The following PIK3R5 variants were observed in gnomAD, a reference collection of about 807,000 sequenced individuals.
PIK3R5 encodes phosphoinositide 3-kinase regulatory subunit 5.
A neutral mutation model predicts 94.9 loss-of-function variants in PIK3R5; 32 were observed. The observed-to-expected ratio is 0.34, with a 90% CI of 0.25 to 0.45. The LOEUF (loss-of-function observed/expected upper bound fraction) is 0.45, where lower values mean the gene tolerates loss of function less well. Among genes scored for constraint, PIK3R5 ranks in the 20% least tolerant of loss-of-function variants. The pLI, the probability that PIK3R5 is intolerant of heterozygous loss-of-function variation, is 1.00. For synonymous variants in PIK3R5, 443 were observed against 479.4 expected (o/e 0.92, Z 0.99); for missense variants, 853 against 1,144.6 (o/e 0.75, Z 3.68).
rs1351216628 is a variant in PIK3R5 at position 8,881,471 on chromosome 17, C to T, written c.2382+159G>A. On this transcript the variant is annotated intron_variant, in intron 17 of 18. Transcript: ENST00000447110. The surrounding 1 kb of genome is among the most constrained non-coding windows in gnomAD (Gnocchi z 4.8). ...CCTCACCCTGCCTCTCCTCCCCCAC[C>T]TCTCCTCTCTCTCTCACACACACAC... 6.6e-6 allele frequency among the ~76,000 whole-genome samples: 1 copy of T among 152,142 alleles called. No homozygotes were observed. The highest frequency in any genetic ancestry group is 1.5e-5 in the Non-Finnish European group (1 of 68,012).
Position 8,892,336 on chromosome 17 carries a change from C to A in PIK3R5, c.482+1250G>T, listed in dbSNP as rs1483401664. 1.3e-5 allele frequency among the ~76,000 whole-genome samples: 2 copies of A among 152,134 alleles called. No homozygotes were observed. The highest frequency in any genetic ancestry group is 4.8e-5 in the African/African-American group (2 of 41,432). The stretch of plus-strand genomic sequence containing the variant: ...CAGCCCCTTACAACCTTGTAACGAG[C>A]CCAGCCGAGCCCCTGCCCTCACCAG... On this transcript the variant is annotated intron_variant, in intron 6 of 18. Coordinates refer to ENST00000447110, the MANE Select transcript of PIK3R5 (RefSeq NM_001142633.3). The surrounding 1 kb of genome is among the most constrained non-coding windows in gnomAD (Gnocchi z 4.3).
intron 3 of PIK3R5, among the ~76,000 whole-genome samples, chr17:8,906,131 T>C (rs140548692): frequency 1.3e-5 from 2 of 152,120 alleles, no homozygotes; most frequent in African/African-American, 4.8e-5. Context: ...GCATTAGGTA[T>C]TTGTCCTAAT....
At position 8,904,431 on chromosome 17, in the gene PIK3R5, C is replaced by G. The variant is rs144463878; in HGVS notation, c.412+346G>C. ...CATGCAAAGCCCTCTTGTCAGCATC[C>G]TGGGGGCTTCTCTGTCTGATCTGGG... is the stretch of plus-strand genomic sequence containing the variant. On this transcript the variant is annotated intron_variant, in intron 5 of 18. Transcript: ENST00000447110. The surrounding 1 kb of genome is among the most constrained non-coding windows in gnomAD (Gnocchi z 5.1). Among the ~76,000 whole-genome samples, 14 of 152,294 alleles carry G rather than the reference C, an allele frequency of 9.2e-5. No homozygotes were observed. Among genetic ancestry groups the G allele is most frequent in the African/African-American group, 2.9e-4 (12 of 41,562 alleles).
In PIK3R5 at chr17:8,943,643, C is replaced by T. The variant is rs180753226; in HGVS notation, c.-14+21953G>A. On this transcript the variant is annotated intron_variant, in intron 1 of 18. Transcript: ENST00000447110. Reference sequence around the variant, plus strand: ...CAAAAATTAGCTGGGTGTGGTGGCGCGCACCTGCAGTCCCAGCTGTTCAGG... The same window carrying T: ...CAAAAATTAGCTGGGTGTGGTGGCGTGCACCTGCAGTCCCAGCTGTTCAGG... 2.3e-3 allele frequency among the ~76,000 whole-genome samples: 356 copies of T among 152,164 alleles called. 5 individuals carry two copies. The highest frequency in any genetic ancestry group is 7.9e-3 in the African/African-American group (329 of 41,506).
chr17:8,911,739 G>T lies in PIK3R5; in HGVS notation c.-13-232C>A. 1 of 447,106 alleles carries T rather than the reference G, an allele frequency of 2.2e-6. No individual in the cohort carries two copies. The highest frequency in any genetic ancestry group is 3.9e-5 in the East Asian group (1 of 25,772). The allele number at this position is 447,106 out of a possible 1,614,324, so 27.7% of individuals were successfully genotyped here. On this transcript the variant is annotated intron_variant, in intron 1 of 18. Coordinates refer to ENST00000447110, the MANE Select transcript of PIK3R5 (RefSeq NM_001142633.3). The surrounding 1 kb of genome is among the most constrained non-coding windows in gnomAD (Gnocchi z 5.3). ...AGCACCCCTGCAGCAGAACGGGACA[G>T]AGGTGTGGGAAGTAAGGGGTCAGGA...
Position 8,904,465 on chromosome 17 carries a change from G to A in PIK3R5, c.412+312C>T, listed in dbSNP as rs1206788244. ...TCTCTGTCTGATCTGGGTAGCCTTGGAGACCCCTTGACTAACCAGATCAGA... is the reference window on the plus strand; with the variant it reads ...TCTCTGTCTGATCTGGGTAGCCTTGAAGACCCCTTGACTAACCAGATCAGA... On this transcript the variant is annotated intron_variant, in intron 5 of 18. Coordinates refer to ENST00000447110, the MANE Select transcript of PIK3R5 (RefSeq NM_001142633.3). The surrounding 1 kb of genome is among the most constrained non-coding windows in gnomAD (Gnocchi z 5.1). 6.6e-6 allele frequency among the ~76,000 whole-genome samples: 1 copy of A among 152,146 alleles called. No individual in the cohort carries two copies. The highest frequency in any genetic ancestry group is 2.4e-5 in the African/African-American group (1 of 41,422).
rs903380847 is a variant in PIK3R5, at chr17:8,957,655, G to C, written c.-14+7941C>G. ...AATAGGCATGCTTGTTAGCTGAAGG[G>C]CATATAAAGTAAGGACCCATGGGAC... On this transcript the variant is annotated intron_variant, in intron 1 of 18. Coordinates refer to ENST00000447110, the MANE Select transcript of PIK3R5 (RefSeq NM_001142633.3). Among the ~76,000 whole-genome samples, 54 of 152,358 alleles carry C rather than the reference G, an allele frequency of 3.5e-4. 1 individual carries two copies. Among genetic ancestry groups the C allele is most frequent in the African/African-American group, 1.2e-3 (50 of 41,586 alleles).
chr17:8,929,433 C>G (rs1183143578), intron 1 of PIK3R5, among the ~76,000 whole-genome samples: 1 of 152,102 alleles, frequency 6.6e-6, no homozygotes. Flanking sequence ...AAGTGGAGCT[C>G]AGAGCAAAGA....
At chr17:8,934,866 C>T (rs2091045369) in intron 1 of PIK3R5, among the ~76,000 whole-genome samples, 1 of 152,174 alleles carries the variant, frequency 6.6e-6, no homozygotes, top group Non-Finnish European at 1.5e-5. Flanking sequence ...TTTTCATTGC[C>T]TTGAGTCAAA....
Position 8,911,460 on chromosome 17 carries a change from C to A in PIK3R5, c.35G>T (p.Arg12Leu), listed in dbSNP as rs779999550. 1 of 1,599,778 alleles carries A rather than the reference C, an allele frequency of 6.3e-7. No homozygotes were observed. Among genetic ancestry groups the A allele is most frequent in the Non-Finnish European group, 8.5e-7 (1 of 1,179,806 alleles). The change falls in exon 2 of 19, where the codon CGC becomes CTC. Residue 12 changes from arginine to leucine, a missense_variant. Transcript: ENST00000447110. The surrounding 1 kb of genome is among the most constrained non-coding windows in gnomAD (Gnocchi z 5.3). The part of the protein sequence containing the change: ...QPGATTCTED[R>L]IQHALERCLH... ...GCAGCGTTCCAGGGCATGCTGGATG[C>A]GGTCCTCCGTGCATGTCGTGGCCCC...
At chr17:8,894,527 A>G (rs1398897845) in intron 5 of PIK3R5, among the ~76,000 whole-genome samples, 1 of 152,126 alleles carries the variant, frequency 6.6e-6, no homozygotes, top group Non-Finnish European at 1.5e-5. Flanking sequence ...CCCAGCCCGC[A>G]TCCCCTTTCT....
chr17:8,961,720 G>A (rs79797440), intron 1 of PIK3R5, among the ~76,000 whole-genome samples: 2,487 of 152,202 alleles, frequency 0.016, 73 homozygotes, highest in African/African-American at 0.055. Flanking sequence ...CAGGAGAGAA[G>A]CTCCATGGAA....
chr17:8,884,902 C>A lies in PIK3R5; in HGVS notation c.2129-119G>T. On this transcript the variant is annotated intron_variant, in intron 14 of 18. Coordinates refer to ENST00000447110, the MANE Select transcript of PIK3R5 (RefSeq NM_001142633.3). The surrounding 1 kb of genome is among the most constrained non-coding windows in gnomAD (Gnocchi z 5.8). Reference sequence around the variant, plus strand: ...TCCCCTACCACATGGACCGTGACTCCCTAGGGATCTGTCTCACCAAGGCCC... The same window carrying A: ...TCCCCTACCACATGGACCGTGACTCACTAGGGATCTGTCTCACCAAGGCCC... 1 of 783,894 alleles carries A rather than the reference C, an allele frequency of 1.3e-6. No individual in the cohort carries two copies. The highest frequency in any genetic ancestry group is 2.2e-6 in the Non-Finnish European group (1 of 462,138). 48.6% of individuals were successfully genotyped at this position (783,894 alleles called of 1,614,324 possible).
At chr17:8,910,964 C>T (rs2090512983) in intron 2 of PIK3R5, among the ~76,000 whole-genome samples, 1 of 152,158 alleles carries the variant, frequency 6.6e-6, no homozygotes, top group South Asian at 2.1e-4. Flanking sequence ...GCCTCCTGCT[C>T]TCTGCAGCTC....
intron 5 of PIK3R5, among the ~76,000 whole-genome samples, chr17:8,900,654 G>GA (rs572582198): frequency 4.8e-4 from 73 of 152,312 alleles, no homozygotes; most frequent in Admixed American, 1.2e-3. Flanking sequence ...TGAGGCCAAA[G>GA]GACCCTCATT....
chr17:8,948,062 A>AAAAAAAAAAAAAAAAAAAAG (rs2091308961), intron 1 of PIK3R5, among the ~76,000 whole-genome samples: 1 of 146,088 alleles, frequency 6.8e-6, no homozygotes, highest in Admixed American at 6.7e-5. Context: ...AAAAAAAAAA[A>AAAAAAAAAAAAAAAAAAAAG]AAAAGAAAAG....
At chr17:8,902,583 C>T (rs974587844) in intron 5 of PIK3R5, among the ~76,000 whole-genome samples, 28 of 151,994 alleles carry the variant, frequency 1.8e-4, no homozygotes, top group African/African-American at 6.8e-4. Flanking sequence ...AAATATTTTT[C>T]TCAGTTTGTC....
chr17:8,953,656 C>T lies in PIK3R5; in HGVS notation c.-14+11940G>A, dbSNP rs184495890. 2.6e-3 allele frequency among the ~76,000 whole-genome samples: 402 copies of T among 152,272 alleles called. 2 individuals are homozygous for T. Among genetic ancestry groups the T allele is most frequent in the African/African-American group, 9.1e-3 (380 of 41,556 alleles). ...AGAAGTCAGGTGGTAAGAGTGAGCC[C>T]CATCTTTTGATCACCCACTCTTGGG... On this transcript the variant is annotated intron_variant, in intron 1 of 18. Transcript: ENST00000447110.
At chr17:8,886,208 C>G in intron 14 of PIK3R5, 21 bp downstream of exon 14, 1 of 1,590,114 alleles carries the variant, frequency 6.3e-7, no homozygotes, top group Non-Finnish European at 8.6e-7. Flanking sequence ...CACCGTCTGT[C>G]TCTGCTCAGG....
Sources: allele counts gnomAD v4.1 joint callset (sites outside exome capture counted in the v4.1 genomes callset), GRCh38; gene constraint gnomAD v4.1.1; non-coding constraint Gnocchi (gnomAD v3.1); transcripts MANE v1.5; gene names NCBI Gene and HGNC (gene_info 2026-07-23, HGNC 2026-07-21).